Variants in AUTS2 observed in about 807,000 individuals in gnomAD.
AUTS2 encodes activator of transcription and developmental regulator AUTS2.
In AUTS2, 17 loss-of-function variants were observed where a neutral mutation model predicts 112.4. That is an observed-to-expected ratio of 0.15 (90% CI 0.10 to 0.23). The LOEUF (loss-of-function observed/expected upper bound fraction) is 0.23. AUTS2 is among the 10% of genes least tolerant of loss of function. AUTS2 has a pLI of 1.00. For synonymous variants in AUTS2, 751 were observed against 702.7 expected, an observed-to-expected ratio of 1.07 and a Z score of -1.09; for missense variants, 1,510 against 1,701.6, an observed-to-expected ratio of 0.89 and a Z score of 1.98.
At chr7:70,256,777 C>T (rs1056169966) in intron 4 of AUTS2, among the ~76,000 whole-genome samples, 2 of 152,074 alleles carry the variant, frequency 1.3e-5, no homozygotes, top group Non-Finnish European at 2.9e-5. Context: ...GTGTGTTTTG[C>T]CATGCTTTTC....
rs1408044886 is a variant in AUTS2 at position 69,768,156 on chromosome 7, G to C, written c.310-131130G>C. Reference sequence around the variant, plus strand: ...GACAAGTCTCTGATGCAATGGGATGGAGTGGAATTAATAGTTTTAATCATG... The same window carrying C: ...GACAAGTCTCTGATGCAATGGGATGCAGTGGAATTAATAGTTTTAATCATG... On this transcript the variant is annotated intron_variant, in intron 1 of 18. Transcript: ENST00000342771. Among the ~76,000 whole-genome samples the C allele has an allele frequency of 2.0e-5, 3 of 152,204 alleles. No homozygotes were observed. The East Asian group carries it at 5.8e-4, about 29-fold the overall frequency.
intron 5 of AUTS2, among the ~76,000 whole-genome samples, chr7:70,497,730 C>G (rs1449622642): frequency 2.0e-5 from 3 of 152,158 alleles, no homozygotes; most frequent in African/African-American, 2.4e-5. Flanking sequence ...ATTCTGGACC[C>G]TCGGTTTTCG....
chr7:70,214,459 A>G (rs1256102455), intron 4 of AUTS2, among the ~76,000 whole-genome samples: 11 of 152,344 alleles, frequency 7.2e-5, no homozygotes, highest in Admixed American at 1.3e-4. Flanking sequence ...CTGATAATAA[A>G]CAGTGTTGCA....
intron 2 of AUTS2, among the ~76,000 whole-genome samples, chr7:70,105,800 G>A (rs1269823496): frequency 1.3e-5 from 2 of 152,104 alleles, no homozygotes; most frequent in Non-Finnish European, 2.9e-5. Context: ...TGCCAGGTGT[G>A]TAGAGCTACA....
chr7:70,465,919 A>G (rs1256288020), intron 5 of AUTS2, among the ~76,000 whole-genome samples: 2 of 152,184 alleles, frequency 1.3e-5, no homozygotes, highest in African/African-American at 2.4e-5. Context: ...ACTCTGGATC[A>G]TAGAGCAGAG....
chr7:69,946,833 A>G (rs2129545521), intron 2 of AUTS2, among the ~76,000 whole-genome samples: 1 of 152,308 alleles, frequency 6.6e-6, no homozygotes, highest in South Asian at 2.1e-4. Context: ...ATATAGAAGC[A>G]ACGTGTGTTT....
At chr7:70,511,332 C>T (rs1312988351) in intron 5 of AUTS2, among the ~76,000 whole-genome samples, 2 of 151,912 alleles carry the variant, frequency 1.3e-5, no homozygotes, top group South Asian at 2.1e-4. Flanking sequence ...TTTCCAAATG[C>T]GGAAACTGGA....
Position 70,776,802 on chromosome 7 carries a change from G to C in AUTS2, c.1933-301G>C. The C allele has an allele frequency of 9.4e-6, 4 of 423,822 alleles. No homozygotes were observed. The South Asian group carries it at 9.8e-5, about 10-fold the overall frequency. 26.3% of individuals were successfully genotyped at this position (423,822 alleles called of 1,614,324 possible). On this transcript the variant is annotated intron_variant, in intron 13 of 18. Coordinates refer to ENST00000342771, the MANE Select transcript of AUTS2 (RefSeq NM_015570.4). ...CTGCCAGCTGGCAGCAGAAAAGAAA[G>C]AGAAGAGGCACAGAGTGGGATTCAG... is the stretch of plus-strand genomic sequence containing the variant.
chr7:70,605,639 C>G (rs1362150485), intron 5 of AUTS2, among the ~76,000 whole-genome samples: 1 of 124,184 alleles, frequency 8.1e-6, no homozygotes, highest in Non-Finnish European at 1.6e-5. Flanking sequence ...TGGAACTTTT[C>G]TAGTAAGTAG....
At chr7:69,775,951 C>A (rs1040520982) in intron 1 of AUTS2, among the ~76,000 whole-genome samples, 9 of 152,156 alleles carry the variant, frequency 5.9e-5, no homozygotes, top group Non-Finnish European at 1.3e-4. Flanking sequence ...CTCCCCCACC[C>A]CACTTCTTTC....
chr7:70,639,497 T>G (rs900886109), intron 5 of AUTS2, among the ~76,000 whole-genome samples: 5 of 150,360 alleles, frequency 3.3e-5, no homozygotes, highest in Admixed American at 2.0e-4. Flanking sequence ...GTGCCTGTGG[T>G]CTCAGCTACT....
intron 4 of AUTS2, among the ~76,000 whole-genome samples, chr7:70,166,367 G>A (rs1362618934): frequency 4.6e-5 from 7 of 152,050 alleles, no homozygotes; most frequent in Non-Finnish European, 1.0e-4. Context: ...ACTATCTGGT[G>A]CTGGTTTAAA....
chr7:70,641,218 A>C (rs1563094975), intron 5 of AUTS2, among the ~76,000 whole-genome samples: 1 of 152,084 alleles, frequency 6.6e-6, no homozygotes, highest in Non-Finnish European at 1.5e-5. Flanking sequence ...GTCACCATGA[A>C]CCCTACCCTT....
At chr7:69,772,053 G>A (rs576619086) in intron 1 of AUTS2, among the ~76,000 whole-genome samples, 40 of 152,208 alleles carry the variant, frequency 2.6e-4, no homozygotes, top group African/African-American at 8.7e-4. Flanking sequence ...CCAAAGTGCT[G>A]GGAGTATAGG....
At chr7:70,590,663 G>A (rs1802899897) in intron 5 of AUTS2, among the ~76,000 whole-genome samples, 1 of 152,132 alleles carries the variant, frequency 6.6e-6, no homozygotes, top group African/African-American at 2.4e-5. Flanking sequence ...AAAAGCCCTG[G>A]TGCCTAAACA....
intron 2 of AUTS2, among the ~76,000 whole-genome samples, chr7:70,026,196 A>G (rs1173153961): frequency 1.3e-5 from 2 of 152,230 alleles, no homozygotes; most frequent in Non-Finnish European, 2.9e-5. Flanking sequence ...AGAAGGGAAA[A>G]CGCTCCTTAG....
In AUTS2 at chr7:70,792,568, G is replaced by A. The variant is rs1792041391; in HGVS notation, c.*1572G>A. The stretch of plus-strand genomic sequence containing the variant: ...GATCTATTTTAGTAGTAAACTGAAG[G>A]TTTAGTTGTGAGCTTCAGATTTTGT... On this transcript the variant is annotated 3_prime_UTR_variant, in exon 19 of 19. Transcript: ENST00000342771. 1 of 149,342 alleles carries A rather than the reference G, an allele frequency of 6.7e-6. No individual in the cohort carries two copies. The highest frequency in any genetic ancestry group is 2.5e-5 in the African/African-American group (1 of 40,796). The allele number at this position is 149,342 out of a possible 1,614,324, so 9.3% of individuals were successfully genotyped here.
chr7:70,068,932 A>T (rs1324890026), intron 2 of AUTS2, among the ~76,000 whole-genome samples: 1 of 152,228 alleles, frequency 6.6e-6, no homozygotes, highest in East Asian at 1.9e-4. Context: ...AGAAGGATTG[A>T]TGTAGTGATT....
intron 2 of AUTS2, among the ~76,000 whole-genome samples, chr7:69,942,292 A>T (rs1796656499): frequency 6.6e-6 from 1 of 152,170 alleles, no homozygotes; most frequent in South Asian, 2.1e-4. Context: ...TCTTAGGAGG[A>T]TAAATGAACA....
Sources: gnomAD v4.1 joint callset for allele counts (sites outside exome capture counted in the v4.1 genomes callset) on GRCh38, gnomAD v4.1.1 for gene constraint, MANE v1.5 for transcripts, NCBI Gene and HGNC (gene_info 2026-07-23, HGNC 2026-07-21) for gene names.